TGFB2: variants seen among roughly 807,000 people sequenced by gnomAD.
TGFB2 encodes transforming growth factor beta-2 proprotein.
A neutral mutation model predicts 42.7 loss-of-function variants in TGFB2; 13 were observed. That is an observed-to-expected ratio of 0.30 (90% CI 0.20 to 0.48). The LOEUF (loss-of-function observed/expected upper bound fraction) is 0.48. Among genes scored for constraint, TGFB2 ranks in the 20% least tolerant of loss-of-function variants. TGFB2 has a pLI of 0.99. For missense variants in TGFB2, 390 were observed against 517.5 expected, an observed-to-expected ratio of 0.75 and a Z score of 2.39; for synonymous variants, 193 against 193.6, an observed-to-expected ratio of 1.00 and a Z score of 0.03.
At chr1:218,388,223 A>G (rs1162171383) in intron 1 of TGFB2, among the ~76,000 whole-genome samples, 1 of 152,190 alleles carries the variant, frequency 6.6e-6, no homozygotes, top group African/African-American at 2.4e-5. Context: ...AAAGGGATCA[A>G]CTGGAGTTTT....
chr1:218,346,076 A>ACACACACGCACG lies in TGFB2; in HGVS notation c.-621_-620insACGCACGCACAC, dbSNP rs1288289230. 4.4e-4 allele frequency among the ~76,000 whole-genome samples: 67 copies of ACACACACGCACG among 151,428 alleles called. No homozygotes were observed. The highest frequency in any genetic ancestry group is 1.5e-3 in the African/African-American group (61 of 41,262). On this transcript the variant is annotated 5_prime_UTR_variant, in exon 1 of 7. Coordinates refer to ENST00000366930, the MANE Select transcript of TGFB2 (RefSeq NM_003238.6). The surrounding 1 kb of genome is among the most constrained non-coding windows in gnomAD (Gnocchi z 4.9). Reference sequence around the variant, plus strand: ...CACACGCACACACACACACACACACACACACGCACGCACACACGTGTGCGC... The same window carrying ACACACACGCACG: ...CACACGCACACACACACACACACACACACACACGCACGCACACGCACGCACACACGTGTGCGC...
In TGFB2 at chr1:218,443,149, A is replaced by T. The variant is rs574229434; in HGVS notation, c.*1787A>T. ...AGCCAATTTTTCCTATGATCAAAAA[A>T]TTCTTTCTTTCCTCTGAGTGAGAGT... On this transcript the variant is annotated 3_prime_UTR_variant, in exon 7 of 7. Transcript: ENST00000366930. The T allele has an allele frequency of 2.0e-5, 3 of 152,350 alleles. No homozygotes were observed. The South Asian group carries it at 6.2e-4, about 32-fold the overall frequency. The allele number at this position is 152,350 out of a possible 1,614,324, so 9.4% of individuals were successfully genotyped here. A position where few individuals can be genotyped will look rare whatever the true frequency, so the allele number is the denominator to read the frequency against.
At chr1:218,394,343 G>T (rs1429553027) in intron 1 of TGFB2, among the ~76,000 whole-genome samples, 1 of 152,180 alleles carries the variant, frequency 6.6e-6, no homozygotes, top group Non-Finnish European at 1.5e-5. Flanking sequence ...GAACTGAAGT[G>T]AAATAGGTGT....
chr1:218,346,882 G>A lies in TGFB2; in HGVS notation c.181G>A (p.Glu61Lys), dbSNP rs763228811. The A allele has an allele frequency of 3.1e-6, 5 of 1,614,154 alleles. No homozygotes were observed. The highest frequency in any genetic ancestry group is 1.6e-4 in the Middle Eastern group (1 of 6,062). Residue 61 changes from glutamate to lysine, a missense_variant, in exon 1 of 7, where the codon GAG (glutamate) becomes AAG (lysine). Glu to Lys is a moderately conservative substitution (Grantham distance 56, BLOSUM62 1). Coordinates refer to ENST00000366930, the MANE Select transcript of TGFB2 (RefSeq NM_003238.6). This position sits in a 1 kb window ranked among gnomAD's most constrained non-coding sequence, Gnocchi z 4.9. ...TSPPEDYPEPEEVPPEVISIY... is the reference protein window; with the variant it reads ...TSPPEDYPEPKEVPPEVISIY... Reference sequence around the variant, plus strand: ...TCCCCCAGAAGACTATCCTGAGCCCGAGGAAGTCCCCCCGGAGGTGATTTC... The same window carrying A: ...TCCCCCAGAAGACTATCCTGAGCCCAAGGAAGTCCCCCCGGAGGTGATTTC...
Position 218,345,909 on chromosome 1 carries a change from A to G in TGFB2, c.-793A>G, listed in dbSNP as rs1342753377. Among the ~76,000 whole-genome samples the G allele has an allele frequency of 6.6e-6, 1 of 151,954 alleles. No individual in the cohort carries two copies. Among genetic ancestry groups the G allele is most frequent in the Non-Finnish European group, 1.5e-5 (1 of 67,964 alleles). On this transcript the variant is annotated 5_prime_UTR_variant, in exon 1 of 7. Transcript: ENST00000366930. The stretch of plus-strand genomic sequence containing the variant: ...GGTCAGCGCGCGCCCGCCAGGGTGT[A>G]GGCCACGGAGCGCAGCTCCCAGAGC...
chr1:218,430,376 T>C (rs528760236), intron 2 of TGFB2, among the ~76,000 whole-genome samples: 2 of 150,664 alleles, frequency 1.3e-5, no homozygotes, highest in South Asian at 4.2e-4. Flanking sequence ...ACCTGGGTGA[T>C]AGAGTGAGAC....
At chr1:218,406,557 CTTAAATACA>C (rs1023900866) in intron 2 of TGFB2, among the ~76,000 whole-genome samples, 26 of 152,000 alleles carry the variant, frequency 1.7e-4, no homozygotes, top group African/African-American at 6.3e-4. Context: ...AAACAGGCAA[CTTAAATACA>C]TCCTGATGCC....
At chr1:218,406,192 T>TACAC (rs35504165) in intron 2 of TGFB2, among the ~76,000 whole-genome samples, 15,251 of 148,996 alleles carry the variant, frequency 0.1, 962 homozygotes, top group African/African-American at 0.18. Context: ...ACCCACTCAA[T>TACAC]ACACACACAC....
At chr1:218,352,753 C>G (rs1024305164) in intron 1 of TGFB2, among the ~76,000 whole-genome samples, 5 of 152,220 alleles carry the variant, frequency 3.3e-5, no homozygotes, top group Admixed American at 6.5e-5. Flanking sequence ...TCTTCCCTAC[C>G]ATCTCTAAAT....
intron 1 of TGFB2, among the ~76,000 whole-genome samples, chr1:218,362,219 A>T (rs367847012): frequency 1.6e-4 from 25 of 152,358 alleles, no homozygotes; most frequent in African/African-American, 5.8e-4. Context: ...TGTTGAAAGA[A>T]GTTTTCAAGT....
chr1:218,380,454 G>GT lies in TGFB2; in HGVS notation c.347-24705dup, dbSNP rs142899133. On this transcript the variant is annotated intron_variant, in intron 1 of 6. Transcript: ENST00000366930. ...ATGCAAAGTTCTCTTTAGATGGCCT[G>GT]TTTTTTTTTTCCTAGCTAACCCCTT... Among the ~76,000 whole-genome samples, 616 of 149,540 alleles carry GT rather than the reference G, an allele frequency of 4.1e-3. 4 individuals carry two copies. Among genetic ancestry groups the GT allele is most frequent in the Middle Eastern group, 6.9e-3 (2 of 290 alleles).
chr1:218,352,261 A>G (rs986579178), intron 1 of TGFB2, among the ~76,000 whole-genome samples: 2 of 151,876 alleles, frequency 1.3e-5, no homozygotes, highest in African/African-American at 4.8e-5. Context: ...GGGCTCCCGG[A>G]GAGAGGATTT....
At chr1:218,399,598 G>T (rs1658644777) in intron 1 of TGFB2, among the ~76,000 whole-genome samples, 2 of 152,122 alleles carry the variant, frequency 1.3e-5, no homozygotes, top group Non-Finnish European at 2.9e-5. Flanking sequence ...CTTTTCTGAT[G>T]GTCAGGTTTA....
chr1:218,412,802 A>G (rs1558252124), intron 2 of TGFB2, among the ~76,000 whole-genome samples: 1 of 152,162 alleles, frequency 6.6e-6, no homozygotes, highest in Admixed American at 6.5e-5. Flanking sequence ...GTTACCTGTG[A>G]AAGTCAGTTG....
rs1660249540 is a variant in TGFB2 at position 218,444,235 on chromosome 1, ATTGT to A, written c.*2877_*2880del. ...TTCCCTTATTTATTGCTATTTGGTAATTGTTTGAGATTTAGTTTCCATCCAGCTT... is the reference window on the plus strand; with the variant it reads ...TTCCCTTATTTATTGCTATTTGGTAATTGAGATTTAGTTTCCATCCAGCTT... On this transcript the variant is annotated 3_prime_UTR_variant, in exon 7 of 7. Transcript: ENST00000366930. 1 of 152,116 alleles carries A rather than the reference ATTGT, an allele frequency of 6.6e-6. No homozygotes were observed. 9.4% of individuals were successfully genotyped at this position (152,116 alleles called of 1,614,324 possible). A position where few individuals can be genotyped will look rare whatever the true frequency, so the allele number is the denominator to read the frequency against.
chr1:218,372,092 G>T (rs1055787164), intron 1 of TGFB2, among the ~76,000 whole-genome samples: 8 of 152,030 alleles, frequency 5.3e-5, no homozygotes, highest in African/African-American at 1.7e-4. Flanking sequence ...TATCTCCACA[G>T]CCTATTCTTA....
rs575825764 is a variant in TGFB2, at chr1:218,367,864, T to A, written c.346+20817T>A. Among the ~76,000 whole-genome samples, 109 of 152,138 alleles carry A rather than the reference T, an allele frequency of 7.2e-4. 1 individual carries two copies. Among genetic ancestry groups the A allele is most frequent in the African/African-American group, 1.4e-3 (59 of 41,516 alleles). ...CTGTCACCAGGCTAGAAGGCAGTGG[T>A]CCATCTCAGCTTACTGCAACCTCCG... On this transcript the variant is annotated intron_variant, in intron 1 of 6. Coordinates refer to ENST00000366930, the MANE Select transcript of TGFB2 (RefSeq NM_003238.6).
At chr1:218,434,703 C>A (rs956345655) in intron 4 of TGFB2, among the ~76,000 whole-genome samples, 5 of 152,166 alleles carry the variant, frequency 3.3e-5, no homozygotes, top group African/African-American at 1.2e-4. Flanking sequence ...CATTAACCCT[C>A]CAGTAGTAAG....
chr1:218,361,446 C>T (rs1272172395), intron 1 of TGFB2, among the ~76,000 whole-genome samples: 7 of 152,192 alleles, frequency 4.6e-5, no homozygotes, highest in Non-Finnish European at 1.0e-4. Flanking sequence ...CACAGACTTC[C>T]TATGACCTGG....
Sources: allele counts gnomAD v4.1 joint callset (sites outside exome capture counted in the v4.1 genomes callset), GRCh38; gene constraint gnomAD v4.1.1; non-coding constraint Gnocchi (gnomAD v3.1); transcripts MANE v1.5; gene names NCBI Gene and HGNC (gene_info 2026-07-23, HGNC 2026-07-21).